IL1RL1: variants seen among roughly 807,000 people sequenced by gnomAD.
IL1RL1 encodes the protein interleukin 1 receptor like 1.
Under a neutral mutation model 50.9 loss-of-function variants are expected in IL1RL1, and 32 were observed. The ratio of observed to expected loss-of-function variants is 0.63; its 90% CI spans 0.47 to 0.84. IL1RL1 has a LOEUF of 0.84. IL1RL1 is among the 40% of genes least tolerant of loss of function. IL1RL1 has a pLI of 0.00. For synonymous variants in IL1RL1, 275 were observed against 236.0 expected, an observed-to-expected ratio of 1.17 and a Z score of -1.51; for missense variants, 773 against 662.9, an observed-to-expected ratio of 1.17 and a Z score of -1.82.
rs531226065 is a variant in IL1RL1, at chr2:102,316,540, T to A, written c.-150+4917T>A. 1.7e-4 allele frequency among the ~76,000 whole-genome samples: 26 copies of A among 152,322 alleles called. 1 individual carries two copies. The South Asian group carries it at 2.3e-3, about 13-fold the overall frequency. ...GGTAGATAAAGAAAGGAGCATTTCA[T>A]CTTGCAGCAGCTTGGAAGATAGCTG... On this transcript the variant is annotated intron_variant, in intron 1 of 10. Transcript: ENST00000233954.
At chr2:102,318,157 C>A (rs1415489486) in intron 1 of IL1RL1, among the ~76,000 whole-genome samples, 1 of 152,138 alleles carries the variant, frequency 6.6e-6, no homozygotes, top group Non-Finnish European at 1.5e-5. Flanking sequence ...ACTCTAGCTT[C>A]TGCTTTGAAA....
chr2:102,334,896 G>T (rs886164998), intron 1 of IL1RL1, among the ~76,000 whole-genome samples: 7 of 152,012 alleles, frequency 4.6e-5, no homozygotes, highest in Non-Finnish European at 8.8e-5. Context: ...GGTTTTGTTT[G>T]TTCTTTTGTT....
At chr2:102,347,519 C>T (rs1163560847) in intron 8 of IL1RL1, among the ~76,000 whole-genome samples, 1 of 152,218 alleles carries the variant, frequency 6.6e-6, no homozygotes, top group East Asian at 1.9e-4. Context: ...CCTCTCTGCA[C>T]TTAGGCTTAT....
At chr2:102,323,496 C>T (rs967896866) in intron 1 of IL1RL1, among the ~76,000 whole-genome samples, 2 of 151,900 alleles carry the variant, frequency 1.3e-5, no homozygotes, top group African/African-American at 4.8e-5. Flanking sequence ...GACTGGGCAA[C>T]TGCATCTGGT....
chr2:102,338,538 T>A (rs1434400246), intron 2 of IL1RL1, among the ~76,000 whole-genome samples: 1 of 152,216 alleles, frequency 6.6e-6, no homozygotes, highest in African/African-American at 2.4e-5. Context: ...CATATTCAAA[T>A]GCAGCAGAAT....
At chr2:102,352,206 T>A (rs1376408445), downstream of IL1RL1, among the ~76,000 whole-genome samples, 1 of 147,510 alleles carries the variant, frequency 6.8e-6, no homozygotes, top group African/African-American at 2.6e-5. Flanking sequence ...CTACTCTTTT[T>A]TCCTCTCTCT....
In IL1RL1 at chr2:102,340,146, A is replaced by G. The variant is rs770834823; in HGVS notation, c.321A>G (p.Lys107=). The G allele has an allele frequency of 6.3e-7, 1 of 1,587,292 alleles. No homozygotes were observed. The highest frequency in any genetic ancestry group is 8.6e-7 in the Non-Finnish European group (1 of 1,167,098). The change falls in exon 4 of 11, where the codon AAA becomes AAG. Residue 107 remains lysine, a synonymous_variant. Coordinates refer to ENST00000233954, the MANE Select transcript of IL1RL1 (RefSeq NM_016232.5). ...TGYANVTIYK[K]QSDCNVPDYL... ...ATGCGAATGTCACCATATATAAAAA[A>G]CAATCAGATTGCAATGTTCCAGATT...
intron 1 of IL1RL1, among the ~76,000 whole-genome samples, chr2:102,321,593 C>T (rs959614847): frequency 5.3e-5 from 8 of 152,102 alleles, no homozygotes; most frequent in Non-Finnish European, 1.2e-4. Flanking sequence ...ATTTTATGGT[C>T]CGAGTAATTA....
intron 8 of IL1RL1, chr2:102,345,235 C>A: frequency 1.0e-6 from 1 of 985,338 alleles, no homozygotes; most frequent in Non-Finnish European, 1.2e-6. Flanking sequence ...TCCTTCTCCC[C>A]ACTCCCTTGG....
chr2:102,319,438 AG>A (rs1340699869), intron 1 of IL1RL1, among the ~76,000 whole-genome samples: 1 of 152,216 alleles, frequency 6.6e-6, no homozygotes, highest in African/African-American at 2.4e-5. Flanking sequence ...CAGAAAAGAA[AG>A]GGAGGTGCAA....
Position 102,340,704 on chromosome 2 carries a change from C to G in IL1RL1, c.486C>G (p.His162Gln), listed in dbSNP as rs189627011. The part of the protein sequence containing the change: ...QALQGSRYRA[H>Q]KSFLVIDNVM... ...TTCAAGGATCAAGGTACAGGGCGCA[C>G]AAGTCATTTTTGGTCATTGATAATG... is the stretch of plus-strand genomic sequence containing the variant. The change falls in exon 5 of 11, where the codon CAC becomes CAG. Residue 162 changes from histidine to glutamine, a missense_variant. Coordinates refer to ENST00000233954, the MANE Select transcript of IL1RL1 (RefSeq NM_016232.5). 1 of 1,599,358 alleles carries G rather than the reference C, an allele frequency of 6.3e-7. No individual in the cohort carries two copies.
chr2:102,312,255 T>C (rs1006058212), intron 1 of IL1RL1, among the ~76,000 whole-genome samples: 2 of 146,516 alleles, frequency 1.4e-5, no homozygotes, highest in Admixed American at 7.0e-5. Context: ...CTTATGCAAA[T>C]GAAGGGCCTA....
At chr2:102,344,392 A>G (rs1180704831) in intron 8 of IL1RL1, 6 of 961,636 alleles carry the variant, frequency 6.2e-6, no homozygotes, top group Non-Finnish European at 7.4e-6. Flanking sequence ...AGGTACATGG[A>G]ACACACGGGA....
intron 8 of IL1RL1, among the ~76,000 whole-genome samples, chr2:102,347,388 G>T (rs1292998877): frequency 6.6e-6 from 1 of 152,172 alleles, no homozygotes; most frequent in African/African-American, 2.4e-5. Context: ...TTCAGAATAA[G>T]GCAATCTGCC....
At chr2:102,340,978 G>A (rs138910888) in intron 5 of IL1RL1, 150 bp downstream of exon 5, 25 of 715,726 alleles carry the variant, frequency 3.5e-5, no homozygotes, top group African/African-American at 3.0e-4. Flanking sequence ...GAACTATGAC[G>A]CAAAGAGGTT....
intron 1 of IL1RL1, among the ~76,000 whole-genome samples, chr2:102,321,104 T>A (rs558200414): frequency 6.6e-6 from 1 of 152,244 alleles, no homozygotes; most frequent in Non-Finnish European, 1.5e-5. Flanking sequence ...TGGACTTTCA[T>A]GCTGCCTGCC....
At chr2:102,347,092 C>T (rs573921804) in intron 8 of IL1RL1, among the ~76,000 whole-genome samples, 2 of 152,292 alleles carry the variant, frequency 1.3e-5, no homozygotes, top group South Asian at 4.1e-4. Flanking sequence ...GACGCTTTAG[C>T]CACTTAGGTG....
At chr2:102,350,788 C>A (rs1184393213) in intron 10 of IL1RL1, among the ~76,000 whole-genome samples, 1 of 124,068 alleles carries the variant, frequency 8.1e-6, no homozygotes, top group African/African-American at 3.5e-5. Flanking sequence ...CTGGGAGCAC[C>A]TCTTCTCAGC....
At chr2:102,350,574 A>G (rs148548829) in intron 10 of IL1RL1, among the ~76,000 whole-genome samples, 2,210 of 152,326 alleles carry the variant, frequency 0.015, 26 homozygotes, top group African/African-American at 0.05. Flanking sequence ...CATGCAACTT[A>G]CCTTGCATTT....
Sources: allele counts gnomAD v4.1 joint callset (sites outside exome capture counted in the v4.1 genomes callset), GRCh38; gene constraint gnomAD v4.1.1; transcripts MANE v1.5; gene names NCBI Gene and HGNC (gene_info 2026-07-23, HGNC 2026-07-21).